The following PRKCG variants were observed in gnomAD, a reference collection of about 807,000 sequenced individuals.
PRKCG encodes protein kinase C gamma, also known as protein kinase C gamma type.
Under a neutral mutation model 82.0 loss-of-function variants are expected in PRKCG, and 28 were observed. The observed-to-expected ratio is 0.34, with a 90% CI of 0.25 to 0.47. The LOEUF is 0.47. Ranked by LOEUF, PRKCG falls within the 20% of genes least tolerant of loss-of-function variation. The pLI is 1.00. For missense variants in PRKCG, 640 were observed against 952.7 expected, an observed-to-expected ratio of 0.67 and a Z score of 4.32; for synonymous variants, 383 against 376.6, an observed-to-expected ratio of 1.02 and a Z score of -0.20.
upstream of PRKCG, among the ~76,000 whole-genome samples, chr19:53,881,131 C>CAGAGAG (rs36156511): frequency 2.7e-5 from 4 of 148,590 alleles, no homozygotes; most frequent in South Asian, 6.4e-4. Context: ...CCCCTAGCAT[C>CAGAGAG]AGAGAGAGAG....
At position 53,883,529 on chromosome 19, in the gene PRKCG, C is replaced by G. The variant is rs1248784107; in HGVS notation, c.202+335C>G. Among the ~76,000 whole-genome samples the G allele has an allele frequency of 1.3e-5, 2 of 151,918 alleles. No homozygotes were observed. Among genetic ancestry groups the G allele is most frequent in the East Asian group, 1.9e-4 (1 of 5,158 alleles). ...GAGATGCAAAGTCAGAGCCCCCCCC[C>G]ACCCCAGGCTGCCGTCGCCATGACA... On this transcript the variant is annotated intron_variant, in intron 2 of 17. Transcript: ENST00000263431. The surrounding 1 kb of genome is among the most constrained non-coding windows in gnomAD (Gnocchi z 5.4).
chr19:53,904,118 G>A lies in PRKCG; in HGVS notation c.1657-517G>A, dbSNP rs187053486. 2.5e-3 allele frequency among the ~76,000 whole-genome samples: 379 copies of A among 152,082 alleles called. 2 individuals are homozygous for A. Among genetic ancestry groups the A allele is most frequent in the Non-Finnish European group, 2.8e-3 (189 of 67,990 alleles). On this transcript the variant is annotated intron_variant, in intron 15 of 17. Transcript: ENST00000263431. The stretch of plus-strand genomic sequence containing the variant: ...TTAGAAGTTAAAAAAAAATTTGGCC[G>A]GACATGGTGGCTCACGCCTGTAATC...
At position 53,882,584 on chromosome 19, in the gene PRKCG, C is replaced by T; in HGVS notation, c.90C>T (p.Val30=). ...AGGGGGCCCTGAGGCAGAAGGTGGT[C>T]CACGAAGTCAAGAGCCACAAGTTCA... is the stretch of plus-strand genomic sequence containing the variant. ...CRKGALRQKV[V]HEVKSHKFTA... is the part of the protein sequence containing the mutation. The change falls in exon 1 of 18, where the codon GTC becomes GTT. Residue 30 remains valine (V), a synonymous_variant. Coordinates refer to ENST00000263431, the MANE Select transcript of PRKCG (RefSeq NM_002739.5). This position sits in a 1 kb window ranked among gnomAD's most constrained non-coding sequence, Gnocchi z 6.1. The T allele has an allele frequency of 1.2e-6, 2 of 1,614,080 alleles. No individual in the cohort carries two copies. Among genetic ancestry groups the T allele is most frequent in the Non-Finnish European group, 1.7e-6 (2 of 1,180,000 alleles).
At position 53,904,619 on chromosome 19, in the gene PRKCG, C is replaced by T. The variant is rs770038740; in HGVS notation, c.1657-16C>T. On this transcript the variant is annotated splice_polypyrimidine_tract_variant and intron_variant, in intron 15 of 17. Transcript: ENST00000263431. ...TTGGGCATGTCCCTGACTCTCTATC[C>T]CCTCCACTTTGATAGCCTCCCTTCG... is the stretch of plus-strand genomic sequence containing the variant. 1.1e-5 allele frequency: 17 copies of T among 1,607,426 alleles called. No homozygotes were observed. Among genetic ancestry groups the T allele is most frequent in the Non-Finnish European group, 1.4e-5 (17 of 1,176,322 alleles).
In PRKCG at chr19:53,889,688, C is replaced by G; in HGVS notation, c.336C>G (p.Thr112=). 1 of 1,614,224 alleles carries G rather than the reference C, an allele frequency of 6.2e-7. No homozygotes were observed. The highest frequency in any genetic ancestry group is 8.5e-7 in the Non-Finnish European group (1 of 1,180,046). The change falls in exon 4 of 18, where the codon ACC becomes ACG. Residue 112 remains threonine (T), a synonymous_variant. Coordinates refer to ENST00000263431, the MANE Select transcript of PRKCG (RefSeq NM_002739.5). The surrounding 1 kb of genome is among the most constrained non-coding windows in gnomAD (Gnocchi z 4.4). ...GCCTGCATAGCTACAGCAGCCCCAC[C>G]TTCTGCGACCACTGTGGCTCCCTCC... is the stretch of plus-strand genomic sequence containing the variant. ...KFRLHSYSSP[T]FCDHCGSLLY...
In PRKCG at chr19:53,883,330, A is replaced by C; in HGVS notation, c.202+136A>C. ...GAGCCCGGGGCGGGGGGTGTGGCAG[A>C]GACACAGCCTGTGGTGGGGAGGGAG... On this transcript the variant is annotated intron_variant, in intron 2 of 17. Coordinates refer to ENST00000263431, the MANE Select transcript of PRKCG (RefSeq NM_002739.5). This position sits in a 1 kb window ranked among gnomAD's most constrained non-coding sequence, Gnocchi z 5.4. 1 of 1,083,190 alleles carries C rather than the reference A, an allele frequency of 9.2e-7. No homozygotes were observed. Among genetic ancestry groups the C allele is most frequent in the South Asian group, 1.3e-5 (1 of 75,894 alleles). 67.1% of individuals were successfully genotyped at this position (1,083,190 alleles called of 1,614,324 possible). A position where few individuals can be genotyped will look rare whatever the true frequency, so the allele number is the denominator to read the frequency against.
At chr19:53,896,197 G>A (rs1436805110) in intron 9 of PRKCG, among the ~76,000 whole-genome samples, 3 of 151,968 alleles carry the variant, frequency 2.0e-5, no homozygotes, top group African/African-American at 7.2e-5. Context: ...ACCCAGCAGG[G>A]CAGATGGTGG....
At position 53,883,118 on chromosome 19, in the gene PRKCG, C is replaced by T; in HGVS notation, c.171-45C>T. ...CTGTGGCTCGCAGAGGTTGGGGGTC[C>T]AGGTACCCCTTTCTGCACTGACCTA... On this transcript the variant is annotated intron_variant, in intron 1 of 17. Transcript: ENST00000263431. The surrounding 1 kb of genome is among the most constrained non-coding windows in gnomAD (Gnocchi z 5.4). The T allele has an allele frequency of 6.2e-7, 1 of 1,612,878 alleles. No individual in the cohort carries two copies. Among genetic ancestry groups the T allele is most frequent in the East Asian group, 2.2e-5 (1 of 44,860 alleles).
Position 53,898,624 on chromosome 19 carries a change from C to G in PRKCG, c.1277C>G (p.Thr426Ser). Residue 426 changes from threonine (T) to serine (S), a missense_variant, in exon 11 of 18, where the codon ACC becomes AGC. By Grantham distance (58) the Thr-to-Ser change is moderately conservative (BLOSUM62 1). Coordinates refer to ENST00000263431, the MANE Select transcript of PRKCG (RefSeq NM_002739.5). ...ACCCAGCTCCACTCCACCTTCCAGA[C>G]CCCGGTAAGGATGGAGGGGGCGGAG... ...FLTQLHSTFQ[T>S]PDRLYFVMEY... 6.3e-7 allele frequency: 1 copy of G among 1,577,036 alleles called. No individual in the cohort carries two copies. The highest frequency in any genetic ancestry group is 8.6e-7 in the Non-Finnish European group (1 of 1,162,822).
intron 16 of PRKCG, 106 bp downstream of exon 16, chr19:53,904,848 T>A: frequency 1.1e-6 from 1 of 929,690 alleles, no homozygotes. Flanking sequence ...TCACTTTACT[T>A]CCATCTGTTG....
At chr19:53,881,121 C>A (rs1160213237), upstream of PRKCG, among the ~76,000 whole-genome samples, 1 of 93,466 alleles carries the variant, frequency 1.1e-5, no homozygotes, top group African/African-American at 3.1e-5. Flanking sequence ...GAGAGAGACC[C>A]CCCTAGCATC....
rs986042857 is a variant in PRKCG at position 53,893,344 on chromosome 19, C to G, written c.910-18C>G. Reference sequence around the variant, plus strand: ...CTGCATCTCTTGGGACCCTGACTCTCTCTTTCTTTTCTCCCAGGCTTGTAA... The same window carrying G: ...CTGCATCTCTTGGGACCCTGACTCTGTCTTTCTTTTCTCCCAGGCTTGTAA... On this transcript the variant is annotated intron_variant, in intron 8 of 17. Coordinates refer to ENST00000263431, the MANE Select transcript of PRKCG (RefSeq NM_002739.5). 6 of 1,612,322 alleles carry G rather than the reference C, an allele frequency of 3.7e-6. No individual in the cohort carries two copies. In the Admixed American group the frequency reaches 1.0e-4, roughly 27 times the overall value.
chr19:53,892,765 C>A lies in PRKCG; in HGVS notation c.821+122C>A. On this transcript the variant is annotated intron_variant, in intron 7 of 17. Transcript: ENST00000263431. The surrounding 1 kb of genome is among the most constrained non-coding windows in gnomAD (Gnocchi z 5.9). Reference sequence around the variant, plus strand: ...CTCCCAGCATGCGCACACACACACACACACACACACACACACGCACACACA... The same window carrying A: ...CTCCCAGCATGCGCACACACACACAAACACACACACACACACGCACACACA... 1.7e-6 allele frequency: 2 copies of A among 1,204,018 alleles called. No homozygotes were observed. Among genetic ancestry groups the A allele is most frequent in the Non-Finnish European group, 2.3e-6 (2 of 860,840 alleles). 74.6% of individuals were successfully genotyped at this position (1,204,018 alleles called of 1,614,324 possible). A position where few individuals can be genotyped will look rare whatever the true frequency, so the allele number is the denominator to read the frequency against.
chr19:53,890,268 T>C (rs1232920039), intron 5 of PRKCG, among the ~76,000 whole-genome samples: 3 of 152,132 alleles, frequency 2.0e-5, no homozygotes, highest in Admixed American at 6.5e-5. Context: ...CTTTCTTTTT[T>C]TTTTTGGGAC....
Position 53,889,871 on chromosome 19 carries a change from A to G in PRKCG, c.398-15A>G. Reference sequence around the variant, plus strand: ...GGGCGGGGCCTGAGGTGCTACCCGCAGCTTTCCCCTCCAGGCTGCGAGATG... The same window carrying G: ...GGGCGGGGCCTGAGGTGCTACCCGCGGCTTTCCCCTCCAGGCTGCGAGATG... On this transcript the variant is annotated splice_polypyrimidine_tract_variant and intron_variant, in intron 4 of 17. Transcript: ENST00000263431. The surrounding 1 kb of genome is among the most constrained non-coding windows in gnomAD (Gnocchi z 4.4). The G allele has an allele frequency of 6.4e-7, 1 of 1,573,146 alleles. No homozygotes were observed. The highest frequency in any genetic ancestry group is 8.6e-7 in the Non-Finnish European group (1 of 1,160,144).
rs1218081459 is a variant in PRKCG, at chr19:53,889,725, G to T, written c.373G>T (p.Val125Leu). ...CTGTGGCTCCCTCCTCTACGGGCTTGTGCACCAGGGCATGAAATGCTCCTG... is the reference window on the plus strand; with the variant it reads ...CTGTGGCTCCCTCCTCTACGGGCTTTTGCACCAGGGCATGAAATGCTCCTG... ...DHCGSLLYGL[V>L]HQGMKCSCCE... Residue 125 changes from valine (V) to leucine (L), a missense_variant, in exon 4 of 18, where the codon GTG becomes TTG. By Grantham distance (32) the Val-to-Leu change is conservative. Coordinates refer to ENST00000263431, the MANE Select transcript of PRKCG (RefSeq NM_002739.5). This position sits in a 1 kb window ranked among gnomAD's most constrained non-coding sequence, Gnocchi z 4.4. 5 of 1,614,058 alleles carry T rather than the reference G, an allele frequency of 3.1e-6. No individual in the cohort carries two copies. Among genetic ancestry groups the T allele is most frequent in the Non-Finnish European group, 4.2e-6 (5 of 1,179,996 alleles).
rs750289253 is a variant in PRKCG at position 53,891,781 on chromosome 19, C to A, written c.637C>A (p.Arg213=). 3 of 1,613,958 alleles carry A rather than the reference C, an allele frequency of 1.9e-6. No homozygotes were observed. The highest frequency in any genetic ancestry group is 1.3e-5 in the African/African-American group (1 of 74,902). Residue 213 remains arginine, a synonymous_variant, in exon 6 of 18, where the codon CGA becomes AGA. Transcript: ENST00000263431. ...DPRNLTKQKT[R]TVKATLNPVW... ...TCGGAACCTGACGAAACAGAAGACC[C>A]GAACGGTGAAAGCCACGCTAAACCC...
At chr19:53,886,383 C>T (rs1037506923) in intron 3 of PRKCG, among the ~76,000 whole-genome samples, 3 of 152,026 alleles carry the variant, frequency 2.0e-5, no homozygotes, top group Admixed American at 6.6e-5. Context: ...GGATTACAGG[C>T]GTGAGCCACC....
At chr19:53,896,718 C>T (rs2068720971) in intron 9 of PRKCG, among the ~76,000 whole-genome samples, 1 of 152,198 alleles carries the variant, frequency 6.6e-6, no homozygotes, top group Non-Finnish European at 1.5e-5. Flanking sequence ...CCGCACCCAG[C>T]CCTCAACAAA....
Sources: gnomAD v4.1 joint callset for allele counts (sites outside exome capture counted in the v4.1 genomes callset) on GRCh38, gnomAD v4.1.1 for gene constraint, Gnocchi (gnomAD v3.1) non-coding constraint, MANE v1.5 for transcripts, NCBI Gene and HGNC (gene_info 2026-07-23, HGNC 2026-07-21) for gene names.